Variants in BRIP1 observed in about 807,000 individuals in gnomAD.
The protein encoded by BRIP1 is Fanconi anemia group J protein.
A neutral mutation model predicts 119.7 loss-of-function variants in BRIP1; 88 were observed. That is an observed-to-expected ratio of 0.74 (90% CI 0.62 to 0.88). The LOEUF (loss-of-function observed/expected upper bound fraction) is 0.88, where lower values mean the gene tolerates loss of function less well. BRIP1 is among the 40% of genes least tolerant of loss of function. The probability of loss-of-function intolerance (pLI) is 0.00; values close to 1 mark genes in which losing one functional copy is unlikely to be tolerated. For missense variants in BRIP1, 1,259 were observed against 1,455.4 expected, an observed-to-expected ratio of 0.87 and a Z score of 2.20; for synonymous variants, 443 against 496.5, an observed-to-expected ratio of 0.89 and a Z score of 1.43.
At chr17:61,850,198 G>A (rs11659050) in intron 4 of BRIP1, among the ~76,000 whole-genome samples, 3,867 of 151,552 alleles carry the variant, frequency 0.026, 69 homozygotes, top group Non-Finnish European at 0.037. Flanking sequence ...TACCTCCCAG[G>A]TTCAAGCGAT....
chr17:61,693,392 G>T lies in BRIP1; in HGVS notation c.2575+38C>A. 6.6e-7 allele frequency: 1 copy of T among 1,519,576 alleles called. No homozygotes were observed. Among genetic ancestry groups the T allele is most frequent in the Non-Finnish European group, 9.1e-7 (1 of 1,094,194 alleles). 94.1% of individuals were successfully genotyped at this position (1,519,576 alleles called of 1,614,324 possible). On this transcript the variant is annotated intron_variant, in intron 18 of 19. Transcript: ENST00000259008. This position sits in a 1 kb window ranked among gnomAD's most constrained non-coding sequence, Gnocchi z 4.2. ...TCACCACAATAAAAATATGAAGATTGTTACTAGTTTTTACTCTAAGCCCAG... is the reference window on the plus strand; with the variant it reads ...TCACCACAATAAAAATATGAAGATTTTTACTAGTTTTTACTCTAAGCCCAG...
intron 17 of BRIP1, among the ~76,000 whole-genome samples, chr17:61,702,964 CATCTG>C (rs2061637036): frequency 7.0e-6 from 1 of 142,480 alleles, no homozygotes; most frequent in African/African-American, 2.6e-5. Context: ...ACCTTGCGAG[CATCTG>C]TTCTTTTTTT....
chr17:61,707,781 A>G (rs959650028), intron 17 of BRIP1, among the ~76,000 whole-genome samples: 1 of 151,800 alleles, frequency 6.6e-6, no homozygotes, highest in Admixed American at 6.6e-5. Context: ...ACTATAGCCT[A>G]TAGTGCCTAC....
intron 14 of BRIP1, among the ~76,000 whole-genome samples, chr17:61,750,917 C>A (rs1482830213): frequency 6.6e-6 from 1 of 152,204 alleles, no homozygotes; most frequent in Non-Finnish European, 1.5e-5. Context: ...GGAAAACAGT[C>A]TGGCAGTTCC....
chr17:61,858,687 T>C (rs1159325545), intron 3 of BRIP1, among the ~76,000 whole-genome samples: 3 of 152,108 alleles, frequency 2.0e-5, no homozygotes, highest in Non-Finnish European at 1.5e-5. Flanking sequence ...TATACTCTTA[T>C]TAGTAACAAA....
rs11868868 is a variant in BRIP1, at chr17:61,774,672, G to A, written c.2097+1729C>T. 0.33 allele frequency among the ~76,000 whole-genome samples: 49,613 copies of A among 151,960 alleles called. 8,187 individuals carry two copies. Among genetic ancestry groups the A allele is most frequent in the East Asian group, 0.48 (2,457 of 5,154 alleles). ...AAAAACCTGCAGAACAATTAATTTCGCAATCAAAGAAATAAACTCAATTGG... is the reference window on the plus strand; with the variant it reads ...AAAAACCTGCAGAACAATTAATTTCACAATCAAAGAAATAAACTCAATTGG... On this transcript the variant is annotated intron_variant, in intron 14 of 19. Coordinates refer to ENST00000259008, the MANE Select transcript of BRIP1 (RefSeq NM_032043.3). This position sits in a 1 kb window ranked among gnomAD's most constrained non-coding sequence, Gnocchi z 5.8.
rs977033219 is a variant in BRIP1 at position 61,850,729 on chromosome 17, G to A, written c.380-1473C>T. ...TATAATCCCAGCTACTCGGGAGGTT[G>A]AGGCATGAGAATCTCTTGAACCTGG... is the stretch of plus-strand genomic sequence containing the variant. On this transcript the variant is annotated intron_variant, in intron 4 of 19. Transcript: ENST00000259008. Among the ~76,000 whole-genome samples, 39 of 151,934 alleles carry A rather than the reference G, an allele frequency of 2.6e-4. 1 individual carries two copies. The highest frequency in any genetic ancestry group is 6.6e-5 in the Admixed American group (1 of 15,258).
rs1431368762 is a variant in BRIP1, at chr17:61,762,272, C to T, written c.2097+14129G>A. Among the ~76,000 whole-genome samples the T allele has an allele frequency of 2.0e-5, 3 of 151,698 alleles. No homozygotes were observed. Among genetic ancestry groups the T allele is most frequent in the Non-Finnish European group, 4.4e-5 (3 of 67,864 alleles). On this transcript the variant is annotated intron_variant, in intron 14 of 19. Transcript: ENST00000259008. This position sits in a 1 kb window ranked among gnomAD's most constrained non-coding sequence, Gnocchi z 4.3. Reference sequence around the variant, plus strand: ...TCAAAATGAATTAAAGATTTAAACCCAAGAACTGAAACTGTAAAACTACTA... The same window carrying T: ...TCAAAATGAATTAAAGATTTAAACCTAAGAACTGAAACTGTAAAACTACTA...
In BRIP1 at chr17:61,822,228, CTCA is replaced by C. The variant is rs1385126045; in HGVS notation, c.628-13474_628-13472del. On this transcript the variant is annotated intron_variant, in intron 6 of 19. Transcript: ENST00000259008. This position sits in a 1 kb window ranked among gnomAD's most constrained non-coding sequence, Gnocchi z 4.4. The stretch of plus-strand genomic sequence containing the variant: ...TGACGAATAGACTGATAATGGGATT[CTCA>C]TCATTTTTTTCTGTAAAATCTTTGA... 6.6e-6 allele frequency among the ~76,000 whole-genome samples: 1 copy of C among 152,094 alleles called. No individual in the cohort carries two copies. Among genetic ancestry groups the C allele is most frequent in the Admixed American group, 6.5e-5 (1 of 15,268 alleles).
At chr17:61,741,253 G>A (rs926105144) in intron 16 of BRIP1, among the ~76,000 whole-genome samples, 2 of 152,090 alleles carry the variant, frequency 1.3e-5, no homozygotes, top group Non-Finnish European at 2.9e-5. Flanking sequence ...TTCTAATTTA[G>A]TTCTCTTATT....
At position 61,860,411 on chromosome 17, in the gene BRIP1, T is replaced by C. The variant is rs2078958107; in HGVS notation, c.94-504A>G. 1.3e-5 allele frequency among the ~76,000 whole-genome samples: 2 copies of C among 151,988 alleles called. No homozygotes were observed. The highest frequency in any genetic ancestry group is 4.2e-4 in the South Asian group (2 of 4,806). On this transcript the variant is annotated intron_variant, in intron 2 of 19. Transcript: ENST00000259008. The surrounding 1 kb of genome is among the most constrained non-coding windows in gnomAD (Gnocchi z 4.1). ...AGCAGCAGCCACGCTTGTAATCCCA[T>C]CACTTTGGGAGGCCAAGGCAGGTGG...
rs2061954599 is a variant in BRIP1 at position 61,720,440 on chromosome 17, G to A, written c.2380-4377C>T. Reference sequence around the variant, plus strand: ...AGTAAACTTCTTGGAAACATTTTAGGCTTTCAAGATATATTAACAAAACTT... The same window carrying A: ...AGTAAACTTCTTGGAAACATTTTAGACTTTCAAGATATATTAACAAAACTT... On this transcript the variant is annotated intron_variant, in intron 16 of 19. Transcript: ENST00000259008. The surrounding 1 kb of genome is among the most constrained non-coding windows in gnomAD (Gnocchi z 4.3). Among the ~76,000 whole-genome samples the A allele has an allele frequency of 6.6e-6, 1 of 152,114 alleles. No homozygotes were observed. The highest frequency in any genetic ancestry group is 6.5e-5 in the Admixed American group (1 of 15,268).
Position 61,843,430 on chromosome 17 carries a change from T to A in BRIP1, c.627+3671A>T, listed in dbSNP as rs1488035926. ...AAGGAGATGAATATATTAATTAGCT[T>A]GTGATATGATTTGGAAGTGTGTCCC... On this transcript the variant is annotated intron_variant, in intron 6 of 19. Transcript: ENST00000259008. This position sits in a 1 kb window ranked among gnomAD's most constrained non-coding sequence, Gnocchi z 5.7. 6.6e-6 allele frequency among the ~76,000 whole-genome samples: 1 copy of A among 152,120 alleles called. No homozygotes were observed. Among genetic ancestry groups the A allele is most frequent in the East Asian group, 1.9e-4 (1 of 5,200 alleles).
intron 6 of BRIP1, among the ~76,000 whole-genome samples, chr17:61,826,626 T>G (rs921023635): frequency 1.4e-5 from 2 of 147,716 alleles, no homozygotes; most frequent in African/African-American, 2.5e-5. Flanking sequence ...CAGCCAACAA[T>G]CCTATGGAAA....
rs572700688 is a variant in BRIP1 at position 61,709,785 on chromosome 17, A to C, written c.2492+6166T>G. On this transcript the variant is annotated intron_variant, in intron 17 of 19. Coordinates refer to ENST00000259008, the MANE Select transcript of BRIP1 (RefSeq NM_032043.3). The surrounding 1 kb of genome is among the most constrained non-coding windows in gnomAD (Gnocchi z 5.0). ...TTAGAAAACTCATAGTGCAGTTGTA[A>C]CCTGGTTGCAAAACCATCTTGTATG... is the stretch of plus-strand genomic sequence containing the variant. 6.6e-6 allele frequency among the ~76,000 whole-genome samples: 1 copy of C among 152,296 alleles called. No individual in the cohort carries two copies. The highest frequency in any genetic ancestry group is 2.1e-4 in the South Asian group (1 of 4,824).
intron 16 of BRIP1, among the ~76,000 whole-genome samples, chr17:61,716,831 G>GGAATAATATGCTTCCAT (rs2061883185): frequency 6.7e-6 from 1 of 150,208 alleles, no homozygotes; most frequent in Non-Finnish European, 1.5e-5. Flanking sequence ...TCCACTACTG[G>GGAATAATATGCTTCCAT]ATTATTAGCT....
rs916090538 is a variant in BRIP1 at position 61,693,665 on chromosome 17, C to A, written c.2493-153G>T. 5.9e-5 allele frequency among the ~76,000 whole-genome samples: 9 copies of A among 152,212 alleles called. No homozygotes were observed. The highest frequency in any genetic ancestry group is 1.0e-4 in the Non-Finnish European group (7 of 67,974). Reference sequence around the variant, plus strand: ...GAAAAGTTACAGAAGCTATCCAACACAATGTAACAAACTAGATGTATTAAA... The same window carrying A: ...GAAAAGTTACAGAAGCTATCCAACAAAATGTAACAAACTAGATGTATTAAA... On this transcript the variant is annotated intron_variant, in intron 17 of 19. Transcript: ENST00000259008. This position sits in a 1 kb window ranked among gnomAD's most constrained non-coding sequence, Gnocchi z 4.2.
Position 61,845,797 on chromosome 17 carries a change from C to T in BRIP1, c.627+1304G>A, listed in dbSNP as rs2078719175. The stretch of plus-strand genomic sequence containing the variant: ...TATGAGTTCTATTCATTTCTTCAGA[C>T]AGAATGTTAAAAACCTAAACGGCTG... On this transcript the variant is annotated intron_variant, in intron 6 of 19. Coordinates refer to ENST00000259008, the MANE Select transcript of BRIP1 (RefSeq NM_032043.3). The surrounding 1 kb of genome is among the most constrained non-coding windows in gnomAD (Gnocchi z 4.2). Among the ~76,000 whole-genome samples the T allele has an allele frequency of 2.0e-5, 3 of 152,164 alleles. No individual in the cohort carries two copies. Among genetic ancestry groups the T allele is most frequent in the Admixed American group, 1.3e-4 (2 of 15,278 alleles).
At chr17:61,715,138 T>A (rs2144370194) in intron 17 of BRIP1, among the ~76,000 whole-genome samples, 1 of 151,398 alleles carries the variant, frequency 6.6e-6, no homozygotes, top group Admixed American at 6.6e-5. Flanking sequence ...CGGTGGAGGA[T>A]GCAGTGAGCC....
Sources: allele counts gnomAD v4.1 joint callset (sites outside exome capture counted in the v4.1 genomes callset), GRCh38; gene constraint gnomAD v4.1.1; non-coding constraint Gnocchi (gnomAD v3.1); transcripts MANE v1.5; gene names NCBI Gene and HGNC (gene_info 2026-07-23, HGNC 2026-07-21).